Variants in NOMO1 observed in about 807,000 individuals in gnomAD.
The protein encoded by NOMO1 is NODAL modulator 1, also known as nodal modulator 3.
NOMO1 carries 40 observed loss-of-function variants against 133.8 expected under a neutral mutation model. The observed-to-expected ratio is 0.30, with a 90% CI of 0.23 to 0.39. The LOEUF (loss-of-function observed/expected upper bound fraction) is 0.39, where lower values mean the gene tolerates loss of function less well. NOMO1 is among the 10% of genes least tolerant of loss of function. The pLI, the probability that NOMO1 is intolerant of heterozygous loss-of-function variation, is 1.00. For missense variants in NOMO1, 462 were observed against 1,419.9 expected (o/e 0.33, Z 10.84); for synonymous variants, 236 against 570.5 (o/e 0.41, Z 8.36).
At chr16:14,846,113 G>A (rs563471221) in intron 4 of NOMO1, among the ~76,000 whole-genome samples, 11,860 of 137,282 alleles carry the variant, frequency 0.086, 658 homozygotes, top group Admixed American at 0.14. Flanking sequence ...TGCAACCTCC[G>A]CCTCCTGGGT....
At chr16:14,838,265 C>A in intron 1 of NOMO1, 142 bp from the exon 2 acceptor site, 1 of 801,136 alleles carries the variant, frequency 1.2e-6, no homozygotes, top group South Asian at 1.7e-5. Context: ...TTCCCTCTGT[C>A]CCCAGTAATG....
In NOMO1 at chr16:14,876,763, C is replaced by G. The variant is rs745988135; in HGVS notation, c.2616C>G (p.Ala872=). The part of the protein sequence containing the change: ...AVEGTIGDFK[A]YALAGVSFEI... The stretch of plus-strand genomic sequence containing the variant: ...AAGGAACCATCGGAGACTTCAAGGC[C>G]TATGCCCTGGCAGGCGTAAGCTTTG... Residue 872 remains alanine (A), a synonymous_variant, in exon 22 of 31, where the codon GCC becomes GCG. Transcript: ENST00000287667. The G allele has an allele frequency of 2.5e-6, 4 of 1,610,714 alleles. No homozygotes were observed. The highest frequency in any genetic ancestry group is 3.4e-6 in the Non-Finnish European group (4 of 1,179,698).
Position 14,864,622 on chromosome 16 carries a change from C to T in NOMO1, c.1433C>T (p.Thr478Met), listed in dbSNP as rs149399039. ...GAGGCAGAAACCAGAGCAGGGCTGA[C>T]GTTGAAACCCCAGACATTTCCTCTT... ...VPEAETRAGL[T>M]LKPQTFPLTV... is the part of the protein sequence containing the mutation. Residue 478 changes from threonine to methionine, a missense_variant, in exon 13 of 31, where the codon ACG becomes ATG. Transcript: ENST00000287667. The T allele has an allele frequency of 7.2e-4, 1,161 of 1,613,358 alleles. 4 individuals carry two copies. Among genetic ancestry groups the T allele is most frequent in the South Asian group, 9.0e-4 (82 of 91,050 alleles).
chr16:14,842,388 CA>C (rs1963617662), intron 3 of NOMO1, among the ~76,000 whole-genome samples: 3 of 147,220 alleles, frequency 2.0e-5, no homozygotes, highest in South Asian at 2.2e-4. Context: ...AGTTTATAGT[CA>C]GGGGTAGGGT....
At chr16:14,885,688 C>T (rs1351764322) in intron 27 of NOMO1, among the ~76,000 whole-genome samples, 2 of 151,630 alleles carry the variant, frequency 1.3e-5, no homozygotes, top group Non-Finnish European at 2.9e-5. Context: ...GAACTCCTGC[C>T]CCATCCATGA....
In NOMO1 at chr16:14,840,857, G is replaced by A. The variant is rs999775304; in HGVS notation, c.256-505G>A. Among the ~76,000 whole-genome samples the A allele has an allele frequency of 1.9e-4, 28 of 148,952 alleles. 1 individual carries two copies. Among genetic ancestry groups the A allele is most frequent in the Non-Finnish European group, 3.4e-4 (23 of 67,314 alleles). On this transcript the variant is annotated intron_variant, in intron 2 of 30. Coordinates refer to ENST00000287667, the MANE Select transcript of NOMO1 (RefSeq NM_014287.4). The stretch of plus-strand genomic sequence containing the variant: ...TTTAAGAACATTTTTTGTACAGATG[G>A]GGTCTTGCTATGTTGCTTAGGCTGG...
chr16:14,890,118 T>TG (rs1227864321), intron 29 of NOMO1, among the ~76,000 whole-genome samples: 1 of 129,582 alleles, frequency 7.7e-6, no homozygotes, highest in Non-Finnish European at 1.6e-5. Context: ...GTGTATCTGT[T>TG]GCATACGGTC....
chr16:14,865,491 C>T (rs1963981218), intron 14 of NOMO1, among the ~76,000 whole-genome samples: 1 of 148,102 alleles, frequency 6.8e-6, no homozygotes, highest in Non-Finnish European at 1.5e-5. Context: ...GTGCTGAGTA[C>T]TGGCCATGGC....
chr16:14,876,850 A>T, intron 22 of NOMO1, 60 bp downstream of exon 22: 1 of 1,593,486 alleles, frequency 6.3e-7, no homozygotes, highest in Non-Finnish European at 8.5e-7. Flanking sequence ...CATATAATAA[A>T]CTGCACAAAA....
At chr16:14,867,801 G>A (rs1473864089) in intron 15 of NOMO1, among the ~76,000 whole-genome samples, 2 of 147,958 alleles carry the variant, frequency 1.4e-5, no homozygotes, top group East Asian at 2.0e-4. Flanking sequence ...ATAGGAGATC[G>A]ATTAATATCC....
chr16:14,833,869 CGCGGGGCCGCTGGGG>C lies in NOMO1; in HGVS notation c.19_33del (p.Ala7_Gly11del), dbSNP rs1307662934. 2.3e-6 allele frequency: 2 copies of C among 888,466 alleles called. No individual in the cohort carries two copies. The highest frequency in any genetic ancestry group is 3.9e-5 in the African/African-American group (2 of 51,526). The allele number at this position is 888,466 out of a possible 1,614,324, so 55.0% of individuals were successfully genotyped here. A position where few individuals can be genotyped will look rare whatever the true frequency, so the allele number is the denominator to read the frequency against. ...GTCGGGCCATGCTGGTGGGCCAGGG[CGCGGGGCCGCTGGGG>C]CCCGCGGTGGTCACCGCCGCGGTGG... On this transcript the variant is annotated inframe_deletion, in exon 1 of 31. Coordinates refer to ENST00000287667, the MANE Select transcript of NOMO1 (RefSeq NM_014287.4).
intron 24 of NOMO1, among the ~76,000 whole-genome samples, 198 bp from the exon 25 acceptor site, chr16:14,881,341 GAGAAA>G (rs949585592): frequency 2.6e-5 from 4 of 151,992 alleles, no homozygotes; most frequent in Non-Finnish European, 4.4e-5. Context: ...CAAAATGTAT[GAGAAA>G]AGAAATTGAT....
At chr16:14,839,110 A>G (rs1289863727) in intron 2 of NOMO1, among the ~76,000 whole-genome samples, 4 of 150,718 alleles carry the variant, frequency 2.7e-5, no homozygotes, top group African/African-American at 9.8e-5. Flanking sequence ...GCTGGAGTGC[A>G]GTGGTGTGAT....
chr16:14,835,451 G>A (rs1410980878), intron 1 of NOMO1, among the ~76,000 whole-genome samples: 1 of 150,672 alleles, frequency 6.6e-6, no homozygotes, highest in Non-Finnish European at 1.5e-5. Context: ...AATGCAAGAG[G>A]CCGCTAAGGC....
chr16:14,868,710 T>C (rs111591935), intron 16 of NOMO1, 75 bp downstream of exon 16: 1 of 917,372 alleles, frequency 1.1e-6, no homozygotes, highest in South Asian at 1.4e-5. Context: ...GAAGGCATTT[T>C]TTTCTACCTT....
intron 29 of NOMO1, among the ~76,000 whole-genome samples, chr16:14,893,104 C>T (rs1335624985): frequency 2.0e-5 from 3 of 150,838 alleles, no homozygotes; most frequent in African/African-American, 7.3e-5. Context: ...TGAGTCTCAA[C>T]GTGGTTGCCT....
intron 26 of NOMO1, among the ~76,000 whole-genome samples, chr16:14,884,147 A>G (rs1195167861): frequency 2.0e-5 from 3 of 151,790 alleles, no homozygotes; most frequent in African/African-American, 2.4e-5. Context: ...ATTCAAACGT[A>G]GAAAAAAAAT....
intron 29 of NOMO1, among the ~76,000 whole-genome samples, chr16:14,891,423 T>C (rs1316846078): frequency 6.6e-6 from 1 of 152,032 alleles, no homozygotes; most frequent in Non-Finnish European, 1.5e-5. Context: ...CTGCAAAGAT[T>C]TACTTTATTT....
At chr16:14,883,117 A>G (rs1372639119) in intron 26 of NOMO1, among the ~76,000 whole-genome samples, 2 of 151,942 alleles carry the variant, frequency 1.3e-5, no homozygotes, top group Non-Finnish European at 2.9e-5. Flanking sequence ...AGCTAAATTA[A>G]TCCCTAAAGA....
Sources: gnomAD v4.1 joint callset for allele counts (sites outside exome capture counted in the v4.1 genomes callset) on GRCh38, gnomAD v4.1.1 for gene constraint, MANE v1.5 for transcripts, NCBI Gene and HGNC (gene_info 2026-07-23, HGNC 2026-07-21) for gene names.